DZIP1: variants seen among roughly 807,000 people sequenced by gnomAD.
DZIP1 encodes DAZ interacting zinc finger protein 1.
Under a neutral mutation model 107.6 loss-of-function variants are expected in DZIP1, and 97 were observed. The observed-to-expected ratio is 0.90, with a 90% CI of 0.77 to 1.07. DZIP1 has a LOEUF of 1.07. Among genes scored for constraint, DZIP1 ranks in the 50% least tolerant of loss-of-function variants. The pLI, the probability that DZIP1 is intolerant of heterozygous loss-of-function variation, is 0.00. For missense variants in DZIP1, 1,035 were observed against 1,063.6 expected (o/e 0.97, Z 0.37); for synonymous variants, 390 against 386.4 (o/e 1.01, Z -0.11).
rs191599097 is a variant in DZIP1 at position 95,633,366 on chromosome 13, C to T, written c.598-45G>A. ...AAATCCAAGTGTCTGTAACGACTGT[C>T]GTCCCACTTAATTGCAATTAAAATT... On this transcript the variant is annotated intron_variant, in intron 5 of 22. Transcript: ENST00000376829. 98 of 1,532,078 alleles carry T rather than the reference C, an allele frequency of 6.4e-5. 1 individual carries two copies. The East Asian group carries it at 1.8e-3, about 28-fold the overall frequency. The allele number at this position is 1,532,078 out of a possible 1,614,324, so 94.9% of individuals were successfully genotyped here. A position where few individuals can be genotyped will look rare whatever the true frequency, so the allele number is the denominator to read the frequency against.
At chr13:95,611,771 T>C (rs2045015206) in intron 11 of DZIP1, among the ~76,000 whole-genome samples, 1 of 152,230 alleles carries the variant, frequency 6.6e-6, no homozygotes, top group South Asian at 2.1e-4. Context: ...TGGCTGCTTC[T>C]CAGAGTAATT....
Position 95,622,420 on chromosome 13 carries a change from CT to C in DZIP1, c.1032del (p.Asp345MetfsTer52), listed in dbSNP as rs763424200. ...MQIKSNIGTL[K>X]DAHEFKEDRS... ...CGGTCTTCTTTAAACTCGTGTGCATCTTTTAATGTGCCTATGTTGGACTTGA... is the reference window on the plus strand; with the variant it reads ...CGGTCTTCTTTAAACTCGTGTGCATCTTTAATGTGCCTATGTTGGACTTGA... On this transcript the variant is annotated frameshift_variant, in exon 9 of 23. Transcript: ENST00000376829. LOFTEE classifies it high-confidence loss of function. 1 of 1,614,086 alleles carries C rather than the reference CT, an allele frequency of 6.2e-7. No homozygotes were observed. Among genetic ancestry groups the C allele is most frequent in the African/African-American group, 1.3e-5 (1 of 74,944 alleles).
intron 12 of DZIP1, among the ~76,000 whole-genome samples, chr13:95,609,794 C>T (rs2044920774): frequency 1.3e-5 from 2 of 152,120 alleles, no homozygotes; most frequent in South Asian, 4.1e-4. Context: ...AAGGGAACAA[C>T]AACCCTCTTT....
In DZIP1 at chr13:95,587,403, C is replaced by A. The variant is rs548638528; in HGVS notation, c.2218+136G>T. 4.3e-5 allele frequency: 50 copies of A among 1,168,530 alleles called. No homozygotes were observed. The African/African-American group carries it at 7.4e-4, about 17-fold the overall frequency. The allele number at this position is 1,168,530 out of a possible 1,614,324, so 72.4% of individuals were successfully genotyped here. A position where few individuals can be genotyped will look rare whatever the true frequency, so the allele number is the denominator to read the frequency against. ...AATGTGCTAAACCCTGCCCATTTTC[C>A]GTGGGTGCCTTTGGGATCCGCTGCA... On this transcript the variant is annotated intron_variant, in intron 20 of 22. Transcript: ENST00000376829.
Position 95,641,973 on chromosome 13 carries a change from C to T in DZIP1, c.36+21G>A, listed in dbSNP as rs2139510366. The T allele has an allele frequency of 1.9e-6, 3 of 1,574,598 alleles. No homozygotes were observed. Among genetic ancestry groups the T allele is most frequent in the Non-Finnish European group, 2.6e-6 (3 of 1,165,890 alleles). On this transcript the variant is annotated intron_variant, in intron 4 of 22. Transcript: ENST00000376829. The surrounding 1 kb of genome is among the most constrained non-coding windows in gnomAD (Gnocchi z 4.3). Reference sequence around the variant, plus strand: ...CAGCCCGGCATCCCCGTCGGGGGCGCCCCGGCCTCCCGCCTCTTACCATGC... The same window carrying T: ...CAGCCCGGCATCCCCGTCGGGGGCGTCCCGGCCTCCCGCCTCTTACCATGC...
At chr13:95,640,156 C>A (rs1174500533) in intron 5 of DZIP1, among the ~76,000 whole-genome samples, 1 of 152,042 alleles carries the variant, frequency 6.6e-6, no homozygotes. Flanking sequence ...CCAAGCCCAG[C>A]GAATTTTGGT....
chr13:95,640,512 T>C (rs1382542368), intron 5 of DZIP1, among the ~76,000 whole-genome samples: 1 of 152,180 alleles, frequency 6.6e-6, no homozygotes, highest in Non-Finnish European at 1.5e-5. Flanking sequence ...TGTTGCTTAC[T>C]TCAATATCTT....
At position 95,589,989 on chromosome 13, in the gene DZIP1, G is replaced by T. The variant is rs2044267770; in HGVS notation, c.1844-57C>A. 8 of 1,588,692 alleles carry T rather than the reference G, an allele frequency of 5.0e-6. No homozygotes were observed. The African/African-American group carries it at 8.1e-5, about 16-fold the overall frequency. ...TACCTTTATGATCAGTAAGTGAAAA[G>T]CAAAGGTAAACGGTATAATACCCCC... On this transcript the variant is annotated intron_variant, in intron 17 of 22. Transcript: ENST00000376829.
chr13:95,633,362 C>T, intron 5 of DZIP1, 41 bp from the exon 6 acceptor site: 1 of 1,548,930 alleles, frequency 6.5e-7, no homozygotes, highest in Non-Finnish European at 8.9e-7. Context: ...TCTGTAACGA[C>T]TGTCGTCCCA....
At chr13:95,613,774 A>C (rs1365412625) in intron 10 of DZIP1, among the ~76,000 whole-genome samples, 1 of 152,182 alleles carries the variant, frequency 6.6e-6, no homozygotes, top group Non-Finnish European at 1.5e-5. Context: ...CAGATAGGAA[A>C]ACTCAAGTCT....
intron 5 of DZIP1, 57 bp from the exon 6 acceptor site, chr13:95,633,378 T>C: frequency 6.7e-7 from 1 of 1,485,038 alleles, no homozygotes; most frequent in Non-Finnish European, 9.4e-7. Flanking sequence ...TCCCACTTAA[T>C]TGCAATTAAA....
rs9525031 is a variant in DZIP1 at position 95,613,218 on chromosome 13, G to C, written c.1174-1041C>G. On this transcript the variant is annotated intron_variant, in intron 10 of 22. Coordinates refer to ENST00000376829, the MANE Select transcript of DZIP1 (RefSeq NM_198968.4). ...ACAGAAGGCTAAAAAGAAACAAAGG[G>C]GGGGCGGCTTGAGGCCAGGTGTGGT... Among the ~76,000 whole-genome samples, 1,280 of 152,222 alleles carry C rather than the reference G, an allele frequency of 8.4e-3. 9 individuals are homozygous for C. Among genetic ancestry groups the C allele is most frequent in the Non-Finnish European group, 0.013 (850 of 67,996 alleles).
intron 7 of DZIP1, among the ~76,000 whole-genome samples, chr13:95,626,926 A>C (rs1195864595): frequency 6.6e-6 from 1 of 152,252 alleles, no homozygotes; most frequent in African/African-American, 2.4e-5. Context: ...AATATGGTTA[A>C]AATGGCAATA....
intron 15 of DZIP1, 26 bp from the exon 16 acceptor site, chr13:95,594,112 TA>T (rs752053387): frequency 1.6e-5 from 25 of 1,564,822 alleles, no homozygotes; most frequent in East Asian, 2.3e-5. Flanking sequence ...AAAAATGTGT[TA>T]AAAAAAGAAT....
At chr13:95,609,424 C>T (rs781697913) in intron 13 of DZIP1, 33 bp downstream of exon 13, 5 of 1,434,694 alleles carry the variant, frequency 3.5e-6, no homozygotes, top group African/African-American at 2.9e-5. Flanking sequence ...TTAAAGATAC[C>T]TTTGGAGCCC....
intron 15 of DZIP1, among the ~76,000 whole-genome samples, chr13:95,597,914 G>C (rs931933119): frequency 6.6e-6 from 1 of 152,148 alleles, no homozygotes; most frequent in Admixed American, 6.5e-5. Flanking sequence ...CTGTGGAATC[G>C]ATTCAGCCTG....
rs1343578036 is a variant in DZIP1 at position 95,608,461 on chromosome 13, T to G, written c.1420+996A>C. On this transcript the variant is annotated intron_variant, in intron 13 of 22. Transcript: ENST00000376829. ...TATAGACTTGGGTTTTTTTTTTTTT[T>G]GGTTTTTTTTCCTGCATAGATATTT... 9.8e-5 allele frequency among the ~76,000 whole-genome samples: 14 copies of G among 142,392 alleles called. No individual in the cohort carries two copies. The South Asian group carries it at 1.7e-3, about 18-fold the overall frequency. 93.4% of individuals were successfully genotyped at this position (142,392 alleles called of 152,430 possible).
intron 9 of DZIP1, among the ~76,000 whole-genome samples, chr13:95,620,273 C>A (rs1462694722): frequency 6.6e-6 from 1 of 152,108 alleles, no homozygotes; most frequent in Admixed American, 6.5e-5. Context: ...TGCTTGGTTC[C>A]CCTTTGTCCT....
At position 95,611,440 on chromosome 13, in the gene DZIP1, C is replaced by G. The variant is rs775169990; in HGVS notation, c.1363+5G>C. Reference sequence around the variant, plus strand: ...GCCGCCAGTACCGGGATCCCATCCACTTACCTTTGGGTTCACTGATACTGT... The same window carrying G: ...GCCGCCAGTACCGGGATCCCATCCAGTTACCTTTGGGTTCACTGATACTGT... On this transcript the variant is annotated splice_donor_5th_base_variant and intron_variant, in intron 12 of 22. Coordinates refer to ENST00000376829, the MANE Select transcript of DZIP1 (RefSeq NM_198968.4). 4 of 1,613,152 alleles carry G rather than the reference C, an allele frequency of 2.5e-6. No individual in the cohort carries two copies. The highest frequency in any genetic ancestry group is 3.4e-6 in the Non-Finnish European group (4 of 1,179,188).
Sources: gnomAD v4.1 joint callset for allele counts (sites outside exome capture counted in the v4.1 genomes callset) on GRCh38, gnomAD v4.1.1 for gene constraint, Gnocchi (gnomAD v3.1) non-coding constraint, MANE v1.5 for transcripts, NCBI Gene and HGNC (gene_info 2026-07-23, HGNC 2026-07-21) for gene names.